Variants in OPALIN observed in about 807,000 individuals in gnomAD.
OPALIN encodes the protein transmembrane protein 10.
OPALIN carries 15 observed loss-of-function variants against 17.8 expected under a neutral mutation model. The observed-to-expected ratio is 0.84, with a 90% CI of 0.56 to 1.29. OPALIN has a LOEUF of 1.29. Among genes scored for constraint, OPALIN ranks in the 50% most tolerant of loss-of-function variants. OPALIN has a pLI of 0.00. For synonymous variants in OPALIN, 62 were observed against 63.8 expected (o/e 0.97, Z 0.14); for missense variants, 170 against 176.0 (o/e 0.97, Z 0.19).
At chr10:96,351,734 T>C (rs1845593387) in intron 2 of OPALIN, among the ~76,000 whole-genome samples, 1 of 152,214 alleles carries the variant, frequency 6.6e-6, no homozygotes, top group Admixed American at 6.5e-5. Flanking sequence ...TTGGGCCTAC[T>C]TGTCCCCATT....
In OPALIN at chr10:96,349,779, C is replaced by T; in HGVS notation, c.120G>A (p.Val40=). The change falls in exon 4 of 6, where the codon GTG becomes GTA. Residue 40 remains valine (V), a synonymous_variant. Coordinates refer to ENST00000371172, the MANE Select transcript of OPALIN (RefSeq NM_033207.5). ...LGLAAGIPLL[V]ATALLVALLF... The stretch of plus-strand genomic sequence containing the variant: ...GTAAAGCCACCAGCAGGGCTGTGGC[C>T]ACCAGCAATGGTATGCCCGCCGCTA... 1 of 1,613,290 alleles carries T rather than the reference C, an allele frequency of 6.2e-7. No homozygotes were observed.
intron 2 of OPALIN, among the ~76,000 whole-genome samples, chr10:96,353,953 G>A (rs1032338162): frequency 6.6e-6 from 1 of 152,148 alleles, no homozygotes; most frequent in African/African-American, 2.4e-5. Context: ...ACAGTGGTGG[G>A]CACCACAGGT....
chr10:96,348,322 A>G lies in OPALIN; in HGVS notation c.216T>C (p.Ile72=). 1 of 1,553,028 alleles carries G rather than the reference A, an allele frequency of 6.4e-7. No individual in the cohort carries two copies. The highest frequency in any genetic ancestry group is 1.4e-5 in the African/African-American group (1 of 73,798). Reference sequence around the variant, plus strand: ...TCTTGGGATTGTCATCAATTTCTGAAATTTCACATGGTCTGTCACTTTCCT... The same window carrying G: ...TCTTGGGATTGTCATCAATTTCTGAGATTTCACATGGTCTGTCACTTTCCT... ...AMEESDRPCE[I]SEIDDNPKIS... is the part of the protein sequence containing the mutation. Residue 72 remains isoleucine (I), a synonymous_variant, in exon 5 of 6, where the codon ATT becomes ATC. Transcript: ENST00000371172.
chr10:96,351,060 A>T (rs180751986), intron 3 of OPALIN, among the ~76,000 whole-genome samples: 17 of 152,240 alleles, frequency 1.1e-4, no homozygotes, highest in Non-Finnish European at 2.2e-4. Context: ...AATCTCTTCC[A>T]GCCTCCTTGT....
intron 4 of OPALIN, among the ~76,000 whole-genome samples, chr10:96,349,268 T>C (rs78923574): frequency 0.023 from 3,568 of 152,260 alleles, 45 homozygotes; most frequent in Middle Eastern, 0.034. Context: ...GGGGAGGATA[T>C]AGATTCCCTT....
At chr10:96,349,653 A>C in intron 4 of OPALIN, 54 bp downstream of exon 4, 2 of 1,573,730 alleles carry the variant, frequency 1.3e-6, no homozygotes, top group South Asian at 1.2e-5. Flanking sequence ...AAGCCAGTTC[A>C]CTGAAATACT....
Position 96,346,049 on chromosome 10 carries a change from C to T in OPALIN, c.318G>A (p.Lys106=), listed in dbSNP as rs1441651347. Residue 106 remains lysine (K), a synonymous_variant, in exon 6 of 6, where the codon AAG becomes AAA. Coordinates refer to ENST00000371172, the MANE Select transcript of OPALIN (RefSeq NM_033207.5). ...MGAQEAHIYV[K]TVAGSEEPVH... ...CAGGTTCCTCGCTTCCTGCTACAGT[C>T]TTCACATATATGTGGGCCTCTTGTG... 6.2e-7 allele frequency: 1 copy of T among 1,614,168 alleles called. No homozygotes were observed. Among genetic ancestry groups the T allele is most frequent in the Non-Finnish European group, 8.5e-7 (1 of 1,179,980 alleles).
At chr10:96,354,907 C>A (rs565601022) in intron 2 of OPALIN, among the ~76,000 whole-genome samples, 1 of 151,810 alleles carries the variant, frequency 6.6e-6, no homozygotes, top group Admixed American at 6.6e-5. Context: ...ACCAGCCTGG[C>A]CAACATGGCA....
At chr10:96,349,892 C>A in intron 3 of OPALIN, 66 bp from the exon 4 acceptor site, 1 of 1,471,826 alleles carries the variant, frequency 6.8e-7, no homozygotes, top group Non-Finnish European at 9.0e-7. Flanking sequence ...AGGAAAAATT[C>A]AATAGAATAA....
chr10:96,357,240 G>A, intron 1 of OPALIN: 1 of 812,562 alleles, frequency 1.2e-6, no homozygotes, highest in Non-Finnish European at 1.5e-6. Context: ...GCTTCCTTTG[G>A]GAGGACAGTA....
chr10:96,355,519 C>A (rs537210418), intron 1 of OPALIN, among the ~76,000 whole-genome samples: 9 of 152,282 alleles, frequency 5.9e-5, no homozygotes, highest in African/African-American at 2.2e-4. Flanking sequence ...CGCCCCCAAC[C>A]AGGTCCTCGA....
chr10:96,358,607 A>T (rs1845902828), intron 1 of OPALIN, among the ~76,000 whole-genome samples: 1 of 152,242 alleles, frequency 6.6e-6, no homozygotes, highest in Non-Finnish European at 1.5e-5. Context: ...AGTAAGACAG[A>T]TAAAATCGTT....
At chr10:96,354,836 C>T (rs894683995) in intron 2 of OPALIN, among the ~76,000 whole-genome samples, 1 of 150,720 alleles carries the variant, frequency 6.6e-6, no homozygotes, top group Non-Finnish European at 1.5e-5. Flanking sequence ...TGGCTCACAC[C>T]TATAATCCCA....
chr10:96,349,667 G>T, intron 4 of OPALIN, 40 bp downstream of exon 4: 2 of 1,591,584 alleles, frequency 1.3e-6, no homozygotes, highest in South Asian at 2.3e-5. Flanking sequence ...AAATACTGGT[G>T]GCTGCCTATA....
chr10:96,346,544 G>A (rs965590808), intron 5 of OPALIN, among the ~76,000 whole-genome samples: 1 of 152,134 alleles, frequency 6.6e-6, no homozygotes, highest in Non-Finnish European at 1.5e-5. Flanking sequence ...TACATTTAAT[G>A]TGATCATTGA....
chr10:96,345,807 CA>C lies in OPALIN; in HGVS notation c.*133del. On this transcript the variant is annotated 3_prime_UTR_variant, in exon 6 of 6. Transcript: ENST00000371172. Reference sequence around the variant, plus strand: ...GTCCCCTAAAGAGACAAATCAGCCCCAAAGTGTTCCAGAGCTGTAAATGAAA... The same window carrying C: ...GTCCCCTAAAGAGACAAATCAGCCCCAAGTGTTCCAGAGCTGTAAATGAAA... 2.5e-6 allele frequency: 2 copies of C among 812,512 alleles called. No homozygotes were observed. Among genetic ancestry groups the C allele is most frequent in the Non-Finnish European group, 3.9e-6 (2 of 514,540 alleles). 50.3% of individuals were successfully genotyped at this position (812,512 alleles called of 1,614,324 possible).
At position 96,351,398 on chromosome 10, in the gene OPALIN, C is replaced by T; in HGVS notation, c.52G>A (p.Val18Ile). The change falls in exon 3 of 6, where the codon GTC (valine) becomes ATC (isoleucine). Residue 18 changes from valine (V) to isoleucine (I), a missense_variant. Physicochemically the swap from Val to Ile is conservative, Grantham distance 29. Coordinates refer to ENST00000371172, the MANE Select transcript of OPALIN (RefSeq NM_033207.5). ...TLPANTTSSP[V>I]TGGKETDCGP... is the part of the protein sequence containing the mutation. ...GTTACCGTTTCTTTCCCACCTGTGA[C>T]AGGAGAGGACGTCTGTATGGAAAAA... is the stretch of plus-strand genomic sequence containing the variant. 6.5e-7 allele frequency: 1 copy of T among 1,542,074 alleles called. No individual in the cohort carries two copies. Among genetic ancestry groups the T allele is most frequent in the Non-Finnish European group, 8.8e-7 (1 of 1,138,154 alleles).
chr10:96,347,073 TCTTTCTTC>T (rs938555059), intron 5 of OPALIN, among the ~76,000 whole-genome samples: 1 of 152,036 alleles, frequency 6.6e-6, no homozygotes, highest in Non-Finnish European at 1.5e-5. Flanking sequence ...TTTCTTTCTT[TCTTTCTTC>T]CTTTCTTTCT....
chr10:96,348,550 T>G (rs1845438112), intron 4 of OPALIN, among the ~76,000 whole-genome samples: 1 of 152,162 alleles, frequency 6.6e-6, no homozygotes, highest in African/African-American at 2.4e-5. Flanking sequence ...TCATTGTGAG[T>G]TATCAAAAAT....
Sources: allele counts gnomAD v4.1 joint callset (sites outside exome capture counted in the v4.1 genomes callset), GRCh38; gene constraint gnomAD v4.1.1; transcripts MANE v1.5; gene names NCBI Gene and HGNC (gene_info 2026-07-23, HGNC 2026-07-21).